The following IKBKB variants were observed in gnomAD, a reference collection of about 807,000 sequenced individuals.
IKBKB encodes the protein inhibitor of nuclear factor kappa B kinase subunit beta.
Under a neutral mutation model 113.6 loss-of-function variants are expected in IKBKB, and 42 were observed. The ratio of observed to expected loss-of-function variants is 0.37; its 90% confidence interval spans 0.29 to 0.48. IKBKB has a LOEUF of 0.48. Among genes scored for constraint, IKBKB ranks in the 20% least tolerant of loss-of-function variants. The pLI, the probability that IKBKB is intolerant of heterozygous loss-of-function variation, is 0.99. For missense variants in IKBKB, 673 were observed against 939.7 expected (o/e 0.72, Z 3.71); for synonymous variants, 296 against 361.3 (o/e 0.82, Z 2.05).
Position 42,314,363 on chromosome 8 carries a change from T to C in IKBKB, c.734T>C (p.Val245Ala). ...CAGAAGAGTGAGGTGGACATTGTTG[T>C]TAGCGAAGACTTGAATGGAACGGTG... ...VRQKSEVDIV[V>A]SEDLNGTVKF... is the part of the protein sequence containing the mutation. Residue 245 changes from valine (V) to alanine (A), a missense_variant, in exon 9 of 22, where the codon GTT becomes GCT. Around this residue, in one of 2 missense-constraint regions of IKBKB, gnomAD observed 506 missense variants for 638.7 expected, o/e 0.79. Coordinates refer to ENST00000520810, the MANE Select transcript of IKBKB (RefSeq NM_001556.3). 6.2e-7 allele frequency: 1 copy of C among 1,614,180 alleles called. No individual in the cohort carries two copies. The highest frequency in any genetic ancestry group is 2.2e-5 in the East Asian group (1 of 44,888).
chr8:42,299,686 G>A lies in IKBKB; in HGVS notation c.389-5501G>A, dbSNP rs542879377. The stretch of plus-strand genomic sequence containing the variant: ...AGAACCTACCCGCCAGCCTCCGTGC[G>A]TGATTCCAAACCCACCTGTCCCTTG... On this transcript the variant is annotated intron_variant, in intron 5 of 21. Coordinates refer to ENST00000520810, the MANE Select transcript of IKBKB (RefSeq NM_001556.3). Among the ~76,000 whole-genome samples, 64 of 152,344 alleles carry A rather than the reference G, an allele frequency of 4.2e-4. 1 individual carries two copies. Among genetic ancestry groups the A allele is most frequent in the African/African-American group, 1.4e-3 (60 of 41,578 alleles).
At position 42,280,985 on chromosome 8, in the gene IKBKB, T is replaced by G. The variant is rs1391499492; in HGVS notation, c.106-7649T>G. 5.3e-5 allele frequency among the ~76,000 whole-genome samples: 8 copies of G among 152,254 alleles called. No homozygotes were observed. The South Asian group carries it at 1.7e-3, about 32-fold the overall frequency. ...AGGGATACCAGGAAAAAAGGGTCCC[T>G]GCCCTTCGTGTGCTTACTCTCTGAT... On this transcript the variant is annotated intron_variant, in intron 2 of 21. Transcript: ENST00000520810.
intron 9 of IKBKB, 122 bp downstream of exon 9, chr8:42,314,551 G>A: frequency 1.4e-6 from 1 of 697,426 alleles, no homozygotes; most frequent in Non-Finnish European, 2.6e-6. Context: ...GAGGCAGGTG[G>A]ATCACCTGAG....
chr8:42,281,234 A>C (rs983085832), intron 2 of IKBKB, among the ~76,000 whole-genome samples: 1 of 152,144 alleles, frequency 6.6e-6, no homozygotes, highest in Admixed American at 6.5e-5. Flanking sequence ...AGGGCCTGGC[A>C]AGAAGACAGA....
At chr8:42,274,604 C>T (rs1435496963) in intron 2 of IKBKB, among the ~76,000 whole-genome samples, 2 of 151,902 alleles carry the variant, frequency 1.3e-5, no homozygotes, top group South Asian at 2.1e-4. Flanking sequence ...GCGATCTTGG[C>T]TCACTGCAAC....
Position 42,330,292 on chromosome 8 carries a change from G to A in IKBKB, c.2206-622G>A, listed in dbSNP as rs952751115. On this transcript the variant is annotated intron_variant, in intron 21 of 21. Coordinates refer to ENST00000520810, the MANE Select transcript of IKBKB (RefSeq NM_001556.3). ...TTTGAATATGTAACTTAGCTTAAGA[G>A]TACCCTGCAGTCACAAGATTTATTA... 1.6e-5 allele frequency: 16 copies of A among 984,004 alleles called. No homozygotes were observed. In the African/African-American group the frequency reaches 2.4e-4, roughly 15 times the overall value. The allele number at this position is 984,004 out of a possible 1,614,324, so 61.0% of individuals were successfully genotyped here.
At chr8:42,307,011 C>T (rs1265079459) in intron 7 of IKBKB, among the ~76,000 whole-genome samples, 1 of 152,184 alleles carries the variant, frequency 6.6e-6, no homozygotes, top group East Asian at 1.9e-4. Flanking sequence ...AAAGACAAGC[C>T]CTTTTCGGCC....
intron 4 of IKBKB, 67 bp downstream of exon 4, chr8:42,290,340 G>T: frequency 9.6e-7 from 1 of 1,041,864 alleles, no homozygotes; most frequent in East Asian, 2.4e-5. Context: ...AAGAGGGATG[G>T]GGAGACCTTT....
chr8:42,306,150 T>A (rs978033410), intron 6 of IKBKB, among the ~76,000 whole-genome samples, 193 bp from the exon 7 acceptor site: 1 of 152,200 alleles, frequency 6.6e-6, no homozygotes. Flanking sequence ...TTTTACAATA[T>A]GCCTTTTCTT....
intron 4 of IKBKB, among the ~76,000 whole-genome samples, chr8:42,293,185 AC>A (rs747575256): frequency 2.8e-4 from 43 of 152,182 alleles, no homozygotes; most frequent in Non-Finnish European, 5.6e-4. Context: ...TGAGAATCAA[AC>A]TTTACTCACC....
intron 2 of IKBKB, chr8:42,272,553 A>C (rs1471516937): frequency 8.0e-6 from 3 of 375,356 alleles, no homozygotes; most frequent in Non-Finnish European, 1.4e-5. Flanking sequence ...AGACTAAATA[A>C]ATAATTTAAA....
At chr8:42,322,268 CT>C in intron 18 of IKBKB, 78 bp from the exon 19 acceptor site, 1 of 1,582,406 alleles carries the variant, frequency 6.3e-7, no homozygotes, top group Middle Eastern at 1.7e-4. Flanking sequence ...TCTGCAGCTG[CT>C]GACTGGATGC....
chr8:42,280,544 T>C (rs1810147969), intron 2 of IKBKB, among the ~76,000 whole-genome samples: 1 of 152,152 alleles, frequency 6.6e-6, no homozygotes, highest in Non-Finnish European at 1.5e-5. Flanking sequence ...GTCAGCGTCT[T>C]GGCTGTGGGT....
At chr8:42,329,292 A>G (rs1563376787) in intron 21 of IKBKB, 78 bp downstream of exon 21, 4 of 1,480,426 alleles carry the variant, frequency 2.7e-6, no homozygotes, top group African/African-American at 1.5e-5. Flanking sequence ...TGGAAATGCA[A>G]TCTGGCATTA....
intron 8 of IKBKB, among the ~76,000 whole-genome samples, chr8:42,312,304 A>C (rs1352494863): frequency 1.3e-5 from 2 of 152,202 alleles, no homozygotes; most frequent in African/African-American, 4.8e-5. Flanking sequence ...TGCTTTTTGA[A>C]AATACATTCC....
intron 2 of IKBKB, among the ~76,000 whole-genome samples, chr8:42,280,187 T>G (rs1205598836): frequency 6.6e-6 from 1 of 152,086 alleles, no homozygotes. Context: ...TTATAAGTCT[T>G]CCTTGTTAGA....
chr8:42,274,986 C>CCAGCCT (rs1458967664), intron 2 of IKBKB, among the ~76,000 whole-genome samples: 1 of 151,934 alleles, frequency 6.6e-6, no homozygotes, highest in Non-Finnish European at 1.5e-5. Flanking sequence ...AAGCGATTCT[C>CCAGCCT]CAGCCTCAGC....
rs745948519 is a variant in IKBKB, at chr8:42,272,199, C to T, written c.99C>T (p.His33=). 6.2e-7 allele frequency: 1 copy of T among 1,614,018 alleles called. No individual in the cohort carries two copies. Among genetic ancestry groups the T allele is most frequent in the African/African-American group, 1.3e-5 (1 of 74,892 alleles). The stretch of plus-strand genomic sequence containing the variant: ...GATTTGGAAATGTCATCCGATGGCA[C>T]AATCAGGTAGGCCCTCTGTGCAGCT... ...TGGFGNVIRW[H]NQETGEQIAI... is the part of the protein sequence containing the mutation. Residue 33 remains histidine (H), a synonymous_variant, in exon 2 of 22, where the codon CAC becomes CAT. Transcript: ENST00000520810.
Position 42,316,947 on chromosome 8 carries a change from G to A in IKBKB, c.1125+43G>A, listed in dbSNP as rs199748726. On this transcript the variant is annotated intron_variant, in intron 11 of 21. Coordinates refer to ENST00000520810, the MANE Select transcript of IKBKB (RefSeq NM_001556.3). The surrounding 1 kb of genome is among the most constrained non-coding windows in gnomAD (Gnocchi z 4.5). ...ACACACCATCCTGTTTACCTTGGCT[G>A]TGCCTCCTGGGAAACTCAACACACT... 1.9e-6 allele frequency: 3 copies of A among 1,561,072 alleles called. No homozygotes were observed. Among genetic ancestry groups the A allele is most frequent in the Non-Finnish European group, 2.6e-6 (3 of 1,136,220 alleles).
Sources: allele counts gnomAD v4.1 joint callset (sites outside exome capture counted in the v4.1 genomes callset), GRCh38; gene constraint gnomAD v4.1.1; regional missense constraint gnomAD v4.1.1; non-coding constraint Gnocchi (gnomAD v3.1); transcripts MANE v1.5; gene names NCBI Gene and HGNC (gene_info 2026-07-23, HGNC 2026-07-21).